Variants in GLB1L3 observed in about 807,000 individuals in gnomAD.
The protein encoded by GLB1L3 is galactosidase beta 1 like 3.
In GLB1L3, 89 loss-of-function variants were observed where a neutral mutation model predicts 89.5. That is an observed-to-expected ratio of 0.99 (90% CI 0.84 to 1.19). The LOEUF (loss-of-function observed/expected upper bound fraction) is 1.19. Ranked by LOEUF, GLB1L3 falls within the 50% of genes most tolerant of loss-of-function variation. The pLI, the probability that GLB1L3 is intolerant of heterozygous loss-of-function variation, is 0.00. For missense variants in GLB1L3, 812 were observed against 813.3 expected, an observed-to-expected ratio of 1.00 and a Z score of 0.02; for synonymous variants, 314 against 312.3, an observed-to-expected ratio of 1.01 and a Z score of -0.06.
chr11:134,294,723 G>A lies in GLB1L3; in HGVS notation c.876+1514G>A, dbSNP rs138781111. On this transcript the variant is annotated intron_variant, in intron 9 of 19. Coordinates refer to ENST00000431683, the MANE Select transcript of GLB1L3 (RefSeq NM_001080407.3). ...CCTTTTCTAGACGTTTCACATAAGC[G>A]CGCTCATGCAGTATTTAGTCTTTTG... is the stretch of plus-strand genomic sequence containing the variant. Among the ~76,000 whole-genome samples the A allele has an allele frequency of 2.6e-4, 39 of 152,246 alleles. No individual in the cohort carries two copies. In the East Asian group the frequency reaches 6.2e-3, roughly 24 times the overall value.
chr11:134,302,277 A>G (rs1941982941), intron 9 of GLB1L3, among the ~76,000 whole-genome samples: 1 of 152,224 alleles, frequency 6.6e-6, no homozygotes, highest in South Asian at 2.1e-4. Flanking sequence ...AAGCATTTTC[A>G]GAGTGTAGGG....
At chr11:134,279,124 A>T (rs763423216) in intron 3 of GLB1L3, among the ~76,000 whole-genome samples, 11 of 152,184 alleles carry the variant, frequency 7.2e-5, no homozygotes, top group Non-Finnish European at 1.5e-4. Flanking sequence ...TAAAGTGAGT[A>T]AATCTTCTTT....
In GLB1L3 at chr11:134,312,406, G is replaced by A. The variant is rs188950969; in HGVS notation, c.1345G>A (p.Gly449Ser). The A allele has an allele frequency of 4.6e-5, 75 of 1,613,800 alleles. No homozygotes were observed. The highest frequency in any genetic ancestry group is 1.7e-4 in the Middle Eastern group (1 of 6,060). Reference sequence around the variant, plus strand: ...GAACCTTCCCATAAACAATGGGAGCGGCCAGTCCTACGGGCTTGTCCTGTA... The same window carrying A: ...GAACCTTCCCATAAACAATGGGAGCAGCCAGTCCTACGGGCTTGTCCTGTA... ...MENLPINNGS[G>S]QSYGLVLYEK... Residue 449 changes from glycine (G) to serine (S), a missense_variant, in exon 14 of 20, where the codon GGC becomes AGC. By Grantham distance (56) the Gly-to-Ser change is moderately conservative (BLOSUM62 0). This residue lies in a region of GLB1L3 where 618 missense variants were observed against 604.0 expected (regional missense o/e 1.02). Transcript: ENST00000431683.
intron 3 of GLB1L3, among the ~76,000 whole-genome samples, chr11:134,279,311 C>T (rs1257117885): frequency 6.6e-6 from 1 of 151,558 alleles, no homozygotes; most frequent in African/African-American, 2.4e-5. Context: ...TTGAATACAT[C>T]CTGCTCTCCC....
In GLB1L3 at chr11:134,288,878, G is replaced by C. The variant is rs1166329336; in HGVS notation, c.717G>C (p.Pro239=). The C allele has an allele frequency of 6.2e-7, 1 of 1,610,600 alleles. No individual in the cohort carries two copies. Among genetic ancestry groups the C allele is most frequent in the South Asian group, 1.1e-5 (1 of 90,626 alleles). The change falls in exon 7 of 20, where the codon CCG becomes CCC. Residue 239 remains proline, a synonymous_variant. Coordinates refer to ENST00000431683, the MANE Select transcript of GLB1L3 (RefSeq NM_001080407.3). Reference sequence around the variant, plus strand: ...TCAATAAGGATAAAACATACATGCCGTATCTCCACAAGGTAAGAGGGCCTT... The same window carrying C: ...TCAATAAGGATAAAACATACATGCCCTATCTCCACAAGGTAAGAGGGCCTT... ...GSFNKDKTYM[P]YLHKALLRRG...
At chr11:134,296,451 A>G (rs1201811548) in intron 9 of GLB1L3, among the ~76,000 whole-genome samples, 1 of 131,442 alleles carries the variant, frequency 7.6e-6, no homozygotes, top group Non-Finnish European at 1.6e-5. Flanking sequence ...CCAAATGTCC[A>G]ACAATGATAG....
chr11:134,308,526 C>CCATCAT (rs1942502013), intron 10 of GLB1L3, among the ~76,000 whole-genome samples: 1 of 84,792 alleles, frequency 1.2e-5, no homozygotes. Context: ...ACCATGTCCA[C>CCATCAT]CACCACTACC....
At position 134,292,475 on chromosome 11, in the gene GLB1L3, C is replaced by G. The variant is rs528214192; in HGVS notation, c.811+262C>G. On this transcript the variant is annotated intron_variant, in intron 8 of 19. Transcript: ENST00000431683. ...GCTCCTCTGTTCTCAGGACGCCTTT[C>G]CATCTCCCATAGTTTTTCTGTGGCA... 1.6e-4 allele frequency: 51 copies of G among 326,776 alleles called. No homozygotes were observed. In the Admixed American group the frequency reaches 2.0e-3, roughly 13 times the overall value. The allele number at this position is 326,776 out of a possible 1,614,324, so 20.2% of individuals were successfully genotyped here.
intron 9 of GLB1L3, chr11:134,305,254 C>A: frequency 1.4e-6 from 1 of 727,354 alleles, no homozygotes; most frequent in South Asian, 1.5e-5. Flanking sequence ...AGTGCATTCC[C>A]TTCACCAGCT....
intron 9 of GLB1L3, among the ~76,000 whole-genome samples, chr11:134,302,859 C>A (rs1317202593): frequency 6.6e-6 from 1 of 152,090 alleles, no homozygotes; most frequent in Non-Finnish European, 1.5e-5. Context: ...TTGTGTTATT[C>A]TAGTTTTCTA....
At chr11:134,309,895 TA>T in intron 11 of GLB1L3, 132 bp downstream of exon 11, 1 of 998,154 alleles carries the variant, frequency 1.0e-6, no homozygotes, top group Middle Eastern at 2.1e-4. Context: ...AAGATTTTCC[TA>T]TCTACTTTCC....
At position 134,318,896 on chromosome 11, in the gene GLB1L3, T is replaced by A. The variant is rs560947815; in HGVS notation, c.1916T>A (p.Met639Lys). 380 of 1,613,586 alleles carry A rather than the reference T, an allele frequency of 2.4e-4. 2 individuals are homozygous for A. Among genetic ancestry groups the A allele is most frequent in the East Asian group, 2.1e-3 (93 of 44,876 alleles). ...EDNEVILFEK[M>K]MSGSDIKSTD... is the part of the protein sequence containing the mutation. ...TCTCAGGTCATCTTGTTTGAGAAGA[T>A]GATGAGTGGCTCAGATATCAAATCT... is the stretch of plus-strand genomic sequence containing the variant. The change falls in exon 20 of 20, where the codon ATG becomes AAG. Residue 639 changes from methionine to lysine, a missense_variant. By Grantham distance (95) the Met-to-Lys change is moderately conservative. This residue lies in a region of GLB1L3 where 618 missense variants were observed against 604.0 expected (regional missense o/e 1.02). Coordinates refer to ENST00000431683, the MANE Select transcript of GLB1L3 (RefSeq NM_001080407.3).
At chr11:134,283,011 T>TGG in intron 5 of GLB1L3, among the ~76,000 whole-genome samples, 1 of 152,294 alleles carries the variant, frequency 6.6e-6, no homozygotes, top group East Asian at 1.9e-4. Context: ...CCTGAAGCCT[T>TGG]AGCCCTTAGT....
In GLB1L3 at chr11:134,308,550, TCACCATCACCACCACCAC is replaced by T. The variant is rs1178709488; in HGVS notation, c.962-1064_962-1047del. Among the ~76,000 whole-genome samples the T allele has an allele frequency of 5.9e-4, 10 of 16,876 alleles. No homozygotes were observed. The East Asian group carries it at 8.6e-3, about 15-fold the overall frequency. The allele number at this position is 16,876 out of a possible 152,430, so 11.1% of individuals were successfully genotyped here. A position where few individuals can be genotyped will look rare whatever the true frequency, so the allele number is the denominator to read the frequency against. On this transcript the variant is annotated intron_variant, in intron 10 of 19. Coordinates refer to ENST00000431683, the MANE Select transcript of GLB1L3 (RefSeq NM_001080407.3). ...ACCACCACTACCACCACCATCACCA[TCACCATCACCACCACCAC>T]CACCATCACCATCACCATCATCACC...
In GLB1L3 at chr11:134,313,406, A is replaced by T. The variant is rs1323399796; in HGVS notation, c.1511A>T (p.Tyr504Phe). The change falls in exon 16 of 20, where the codon TAC becomes TTC. Residue 504 changes from tyrosine (Y) to phenylalanine (F), a missense_variant. By Grantham distance (22) the Tyr-to-Phe change is conservative. Coordinates refer to ENST00000431683, the MANE Select transcript of GLB1L3 (RefSeq NM_001080407.3). Reference protein sequence around the residue: ...LHIPELRDCRYLRILVENQGR... With the variant: ...LHIPELRDCRFLRILVENQGR... Reference sequence around the variant, plus strand: ...GGCCTGTCCCAGCAGGACTGCCGATACCTGAGGATCCTGGTGGAGAATCAA... The same window carrying T: ...GGCCTGTCCCAGCAGGACTGCCGATTCCTGAGGATCCTGGTGGAGAATCAA... 6.3e-7 allele frequency: 1 copy of T among 1,581,594 alleles called. No homozygotes were observed. Among genetic ancestry groups the T allele is most frequent in the African/African-American group, 1.3e-5 (1 of 74,306 alleles).
intron 6 of GLB1L3, among the ~76,000 whole-genome samples, chr11:134,284,435 A>G (rs1281986199): frequency 3.3e-5 from 5 of 152,132 alleles, no homozygotes; most frequent in Non-Finnish European, 7.3e-5. Flanking sequence ...AATTCATTTA[A>G]CAGGTATTCA....
At chr11:134,293,517 C>T (rs950508068) in intron 9 of GLB1L3, among the ~76,000 whole-genome samples, 2 of 152,108 alleles carry the variant, frequency 1.3e-5, no homozygotes, top group East Asian at 1.9e-4. Flanking sequence ...CGGCTATGCG[C>T]GTTGCTCACG....
At chr11:134,291,633 T>C (rs1941365696) in intron 7 of GLB1L3, among the ~76,000 whole-genome samples, 1 of 151,828 alleles carries the variant, frequency 6.6e-6, no homozygotes, top group South Asian at 2.1e-4. Context: ...CTTTAGGAAA[T>C]AATGATGAGA....
rs747992964 is a variant in GLB1L3, at chr11:134,311,099, A to G, written c.1216A>G (p.Lys406Glu). Residue 406 changes from lysine to glutamate, a missense_variant, in exon 13 of 20, where the codon AAG becomes GAG. Physicochemically the swap from Lys to Glu is moderately conservative, Grantham distance 56 (BLOSUM62 1). This residue lies in a region of GLB1L3 where 618 missense variants were observed against 604.0 expected (regional missense o/e 1.02). Coordinates refer to ENST00000431683, the MANE Select transcript of GLB1L3 (RefSeq NM_001080407.3). ...GCCCCGAGTACCCAAACTTCCTCCC[A>G]AGGCTGTGTATCCCCCCGTGAGACC... ...PLPRVPKLPP[K>E]AVYPPVRPSL... The G allele has an allele frequency of 3.1e-6, 5 of 1,613,568 alleles. No homozygotes were observed. In the African/African-American group the frequency reaches 6.7e-5, roughly 22 times the overall value.
Sources: gnomAD v4.1 joint callset for allele counts (sites outside exome capture counted in the v4.1 genomes callset) on GRCh38, gnomAD v4.1.1 for gene constraint, gnomAD v4.1.1 regional missense constraint, MANE v1.5 for transcripts, NCBI Gene and HGNC (gene_info 2026-07-23, HGNC 2026-07-21) for gene names.